Variants in CBLB observed in about 807,000 individuals in gnomAD.
CBLB encodes the protein Cbl proto-oncogene B.
CBLB carries 31 observed loss-of-function variants against 104.9 expected under a neutral mutation model. That is an observed-to-expected ratio of 0.30 (90% confidence interval 0.22 to 0.40). The LOEUF is 0.40. CBLB is among the 10% of genes least tolerant of loss of function. The pLI, the probability that CBLB is intolerant of heterozygous loss-of-function variation, is 1.00. For synonymous variants in CBLB, 440 were observed against 422.6 expected (o/e 1.04, Z -0.51); for missense variants, 1,062 against 1,214.6 (o/e 0.87, Z 1.87).
intron 2 of CBLB, among the ~76,000 whole-genome samples, chr3:105,858,959 A>G (rs936928944): frequency 5.9e-5 from 9 of 152,324 alleles, no homozygotes; most frequent in African/African-American, 1.9e-4. Context: ...CAATACATAA[A>G]TATGTATTTA....
intron 3 of CBLB, among the ~76,000 whole-genome samples, chr3:105,780,995 A>G (rs11926659): frequency 0.17 from 26,179 of 152,054 alleles, 2,641 homozygotes; most frequent in Admixed American, 0.28. Context: ...ATATTTTAAA[A>G]TACCAAATAA....
chr3:105,753,334 G>A (rs1306225808), intron 4 of CBLB, among the ~76,000 whole-genome samples: 4 of 150,668 alleles, frequency 2.7e-5, no homozygotes, highest in Non-Finnish European at 4.4e-5. Flanking sequence ...AGAAACACAC[G>A]TCAGGCTCTG....
In CBLB at chr3:105,800,950, T is replaced by C. The variant is rs909527724; in HGVS notation, c.420-24408A>G. Among the ~76,000 whole-genome samples, 5 of 152,150 alleles carry C rather than the reference T, an allele frequency of 3.3e-5. 1 individual carries two copies. Among genetic ancestry groups the C allele is most frequent in the Admixed American group, 6.5e-5 (1 of 15,276 alleles). On this transcript the variant is annotated intron_variant, in intron 3 of 18. Coordinates refer to ENST00000394030, the MANE Select transcript of CBLB (RefSeq NM_170662.5). ...AAAAAGAACTGATCCATTTGGCTTA[T>C]ATGTCATGTGAAAGTAAGAGGGAGA...
chr3:105,798,259 A>C (rs2082454704), intron 3 of CBLB, among the ~76,000 whole-genome samples: 1 of 152,216 alleles, frequency 6.6e-6, no homozygotes, highest in Non-Finnish European at 1.5e-5. Context: ...AGACTGTTTC[A>C]CTTCTGCCCA....
In CBLB at chr3:105,658,033, A is replaced by C. The variant is rs1160336213; in HGVS notation, c.*937T>G. The C allele has an allele frequency of 1.4e-5, 3 of 214,244 alleles. No individual in the cohort carries two copies. The highest frequency in any genetic ancestry group is 2.3e-5 in the African/African-American group (1 of 44,252). 13.3% of individuals were successfully genotyped at this position (214,244 alleles called of 1,614,324 possible). A position where few individuals can be genotyped will look rare whatever the true frequency, so the allele number is the denominator to read the frequency against. ...TGAAAATTATTAATATATTTCAGGGAGATGGTCCTCTCATTCAGCATCCCT... is the reference window on the plus strand; with the variant it reads ...TGAAAATTATTAATATATTTCAGGGCGATGGTCCTCTCATTCAGCATCCCT... On this transcript the variant is annotated 3_prime_UTR_variant, in exon 19 of 19. Coordinates refer to ENST00000394030, the MANE Select transcript of CBLB (RefSeq NM_170662.5).
intron 3 of CBLB, among the ~76,000 whole-genome samples, chr3:105,793,780 T>C (rs2152999596): frequency 6.6e-6 from 1 of 152,274 alleles, no homozygotes; most frequent in Middle Eastern, 3.4e-3. Flanking sequence ...TGTTCCACTT[T>C]GCAGTACATC....
chr3:105,696,448 G>A (rs2068399682), intron 12 of CBLB, among the ~76,000 whole-genome samples: 1 of 151,556 alleles, frequency 6.6e-6, no homozygotes, highest in African/African-American at 2.4e-5. Context: ...CAACTTTGGG[G>A]GCTAAAAATA....
chr3:105,664,551 T>C (rs1401208679), intron 18 of CBLB, among the ~76,000 whole-genome samples: 5 of 152,032 alleles, frequency 3.3e-5, no homozygotes, highest in African/African-American at 1.2e-4. Flanking sequence ...GATTGCTTTT[T>C]CTTATTAATT....
At chr3:105,722,238 A>G (rs1559959382) in intron 9 of CBLB, among the ~76,000 whole-genome samples, 1 of 151,660 alleles carries the variant, frequency 6.6e-6, no homozygotes, top group South Asian at 2.1e-4. Flanking sequence ...AGAAAAAAAG[A>G]AAGCAAGATC....
chr3:105,741,046 T>G (rs1362763748), intron 6 of CBLB, among the ~76,000 whole-genome samples: 1 of 151,318 alleles, frequency 6.6e-6, no homozygotes, highest in African/African-American at 2.4e-5. Flanking sequence ...AGCCAGTTTC[T>G]ACTGTAGAAC....
chr3:105,686,625 G>T (rs1464159832), intron 13 of CBLB, among the ~76,000 whole-genome samples: 1 of 151,972 alleles, frequency 6.6e-6, no homozygotes, highest in African/African-American at 2.4e-5. Context: ...ACCATTACAA[G>T]AAGGCATTTT....
At chr3:105,731,235 A>G (rs1559996186) in intron 9 of CBLB, among the ~76,000 whole-genome samples, 3 of 152,222 alleles carry the variant, frequency 2.0e-5, no homozygotes. Context: ...CCTTTTGCAC[A>G]TAATGAACCT....
chr3:105,780,664 T>TTTTG (rs2080119904), intron 3 of CBLB, among the ~76,000 whole-genome samples: 2 of 120,812 alleles, frequency 1.7e-5, no homozygotes, highest in South Asian at 2.8e-4. Flanking sequence ...TTTTTTGTTT[T>TTTTG]TTTTTTTTTT....
At chr3:105,705,198 C>T (rs770235907) in intron 10 of CBLB, among the ~76,000 whole-genome samples, 5 of 152,160 alleles carry the variant, frequency 3.3e-5, no homozygotes, top group East Asian at 1.9e-4. Context: ...TACCTTTGTA[C>T]GAATTGCTGA....
At chr3:105,869,068 C>T, upstream of CBLB, 2 of 330,532 alleles carry the variant, frequency 6.1e-6, no homozygotes, top group Non-Finnish European at 1.1e-5. Context: ...GGGGCGGGGG[C>T]GGGGCCGGGC....
intron 3 of CBLB, among the ~76,000 whole-genome samples, chr3:105,802,550 T>A (rs147980408): frequency 3.9e-5 from 6 of 152,346 alleles, no homozygotes; most frequent in Non-Finnish European, 8.8e-5. Flanking sequence ...ACGGGATTTG[T>A]AACGGACCCA....
intron 9 of CBLB, among the ~76,000 whole-genome samples, chr3:105,722,198 C>CAAAAAAAAAAAAAAAAAAAA (rs5851468): frequency 1.3e-4 from 11 of 84,394 alleles, no homozygotes; most frequent in East Asian, 3.1e-4. Flanking sequence ...GACCCCGTGC[C>CAAAAAAAAAAAAAAAAAAAA]AAAAAAAAAA....
chr3:105,727,000 C>T (rs1246087942), intron 9 of CBLB, among the ~76,000 whole-genome samples: 1 of 152,156 alleles, frequency 6.6e-6, no homozygotes, highest in African/African-American at 2.4e-5. Context: ...GTGAACAGTG[C>T]TACAATAAAC....
chr3:105,766,787 T>A (rs955626543), intron 4 of CBLB, among the ~76,000 whole-genome samples: 1 of 152,244 alleles, frequency 6.6e-6, no homozygotes, highest in African/African-American at 2.4e-5. Flanking sequence ...TTCATTGCGA[T>A]GTACTTTATT....
Sources: allele counts gnomAD v4.1 joint callset (sites outside exome capture counted in the v4.1 genomes callset), GRCh38; gene constraint gnomAD v4.1.1; transcripts MANE v1.5; gene names NCBI Gene and HGNC (gene_info 2026-07-23, HGNC 2026-07-21).